Variants in MAP3K3 observed in about 807,000 individuals in gnomAD.
MAP3K3 encodes the protein mitogen-activated protein kinase kinase kinase 3.
Under a neutral mutation model 80.9 loss-of-function variants are expected in MAP3K3, and 12 were observed. The ratio of observed to expected loss-of-function variants is 0.15; its 90% confidence interval spans 0.10 to 0.24. The LOEUF is 0.24. Among genes scored for constraint, MAP3K3 ranks in the 10% least tolerant of loss-of-function variants. MAP3K3 has a pLI of 1.00. For missense variants in MAP3K3, 596 were observed against 834.7 expected (o/e 0.71, Z 3.52); for synonymous variants, 272 against 307.1 (o/e 0.89, Z 1.19).
intron 7 of MAP3K3, chr17:63,682,237 T>C (rs545984347): frequency 5.3e-6 from 1 of 189,446 alleles, no homozygotes; most frequent in East Asian, 1.3e-4. Context: ...TACGACTGGT[T>C]CTAAAGTGAC....
At chr17:63,653,106 G>A (rs1598084111) in intron 4 of MAP3K3, among the ~76,000 whole-genome samples, 1 of 152,220 alleles carries the variant, frequency 6.6e-6, no homozygotes, top group East Asian at 1.9e-4. Context: ...CTTCTGATTG[G>A]AGCTTATTTG....
At chr17:63,645,243 C>T (rs996838626) in intron 2 of MAP3K3, among the ~76,000 whole-genome samples, 9 of 152,010 alleles carry the variant, frequency 5.9e-5, no homozygotes, top group Admixed American at 4.6e-4. Flanking sequence ...ACGGAGGTTG[C>T]GGTGAGCCGA....
At chr17:63,650,985 T>A (rs1010761382) in intron 3 of MAP3K3, among the ~76,000 whole-genome samples, 15 of 152,282 alleles carry the variant, frequency 9.9e-5, no homozygotes, top group African/African-American at 3.6e-4. Context: ...GATTTTTTTT[T>A]AATTCTGTAT....
intron 1 of MAP3K3, among the ~76,000 whole-genome samples, chr17:63,623,343 C>T (rs1213497003): frequency 6.6e-6 from 1 of 152,146 alleles, no homozygotes; most frequent in Non-Finnish European, 1.5e-5. Flanking sequence ...TGATCAAGCG[C>T]GCGGTTGACA....
chr17:63,645,372 A>G (rs2143288539), intron 2 of MAP3K3, among the ~76,000 whole-genome samples: 1 of 152,240 alleles, frequency 6.6e-6, no homozygotes, highest in South Asian at 2.1e-4. Context: ...CATGATGGTC[A>G]TTTTGGAAAA....
At chr17:63,649,450 TAGAC>T (rs1470164960) in intron 3 of MAP3K3, among the ~76,000 whole-genome samples, 2 of 68,146 alleles carry the variant, frequency 2.9e-5, no homozygotes, top group Admixed American at 2.3e-4. Context: ...AAAAAAAAAG[TAGAC>T]AGGATCTCTG....
At chr17:63,684,264 G>A (rs1568151278) in intron 7 of MAP3K3, among the ~76,000 whole-genome samples, 2 of 152,078 alleles carry the variant, frequency 1.3e-5, no homozygotes, top group African/African-American at 4.8e-5. Context: ...TTTCCCCAAG[G>A]CCTCTTGTGA....
chr17:63,662,343 A>T (rs892336635), intron 5 of MAP3K3, among the ~76,000 whole-genome samples: 16 of 150,060 alleles, frequency 1.1e-4, no homozygotes, highest in Non-Finnish European at 2.4e-4. Flanking sequence ...TGAGGCCGGG[A>T]GGTTGAGGCC....
intron 1 of MAP3K3, among the ~76,000 whole-genome samples, chr17:63,627,732 G>A (rs1464832656): frequency 1.3e-5 from 2 of 151,166 alleles, no homozygotes; most frequent in East Asian, 2.0e-4. Context: ...ATGAGCCATC[G>A]TGCCTGGCCA....
chr17:63,682,184 G>A (rs1299133674), intron 7 of MAP3K3, among the ~76,000 whole-genome samples: 3 of 152,180 alleles, frequency 2.0e-5, no homozygotes, highest in Admixed American at 1.3e-4. Context: ...GTTCCTACAG[G>A]CAGGCACCAC....
intron 8 of MAP3K3, 137 bp from the exon 9 acceptor site, chr17:63,688,390 A>G: frequency 1.4e-6 from 1 of 702,008 alleles, no homozygotes; most frequent in Non-Finnish European, 2.6e-6. Flanking sequence ...CTGGGCTCAG[A>G]AAAGGGCTAT....
chr17:63,627,918 T>C (rs1048695071), intron 1 of MAP3K3, among the ~76,000 whole-genome samples: 5 of 151,592 alleles, frequency 3.3e-5, no homozygotes, highest in African/African-American at 1.2e-4. Flanking sequence ...TTTTTTTTTT[T>C]TTCTGAGACA....
chr17:63,674,072 T>A (rs1212909801), intron 6 of MAP3K3, among the ~76,000 whole-genome samples: 1 of 149,866 alleles, frequency 6.7e-6, no homozygotes, highest in Non-Finnish European at 1.5e-5. Flanking sequence ...AGAGTGAGAC[T>A]CTGTCTCAAA....
At chr17:63,688,732 GC>G (rs2143612225) in intron 9 of MAP3K3, 56 bp from the exon 10 acceptor site, 1 of 1,421,634 alleles carries the variant, frequency 7.0e-7, no homozygotes, top group South Asian at 1.1e-5. Context: ...GGACTTGGGG[GC>G]TTAAGTGGCT....
chr17:63,681,857 C>T lies in MAP3K3; in HGVS notation c.594C>T (p.Ile198=), dbSNP rs1437537286. 2 of 1,540,294 alleles carry T rather than the reference C, an allele frequency of 1.3e-6. No individual in the cohort carries two copies. The highest frequency in any genetic ancestry group is 2.8e-5 in the African/African-American group (2 of 72,172). The part of the protein sequence containing the change: ...HIARQGSYTS[I]NSEGEFIPET... ...CCCGGCAGGGGTCCTACACCAGCAT[C>T]AACAGTGAGGGGGAGTTCATCCCAG... The change falls in exon 7 of 16, where the codon ATC becomes ATT. Residue 198 remains isoleucine (I), a synonymous_variant. Transcript: ENST00000361733.
At chr17:63,651,868 T>G (rs2034663590) in intron 3 of MAP3K3, among the ~76,000 whole-genome samples, 1 of 152,204 alleles carries the variant, frequency 6.6e-6, no homozygotes, top group African/African-American at 2.4e-5. Context: ...ATCTTAATTC[T>G]GAGGAAAATC....
chr17:63,637,516 T>C (rs562735880), intron 2 of MAP3K3, among the ~76,000 whole-genome samples: 28 of 152,314 alleles, frequency 1.8e-4, no homozygotes, highest in African/African-American at 6.7e-4. Context: ...ATAGACAGAA[T>C]GTGAAATATT....
chr17:63,693,410 C>T lies in MAP3K3; in HGVS notation c.1653-139C>T. 1 of 658,022 alleles carries T rather than the reference C, an allele frequency of 1.5e-6. No homozygotes were observed. The highest frequency in any genetic ancestry group is 3.1e-5 in the Admixed American group (1 of 32,312). The allele number at this position is 658,022 out of a possible 1,614,324, so 40.8% of individuals were successfully genotyped here. ...CCATGAAGCCCACGTGGACAGACAT[C>T]CAAGCTGAGGTATCCCTCAGCTTGG... is the stretch of plus-strand genomic sequence containing the variant. On this transcript the variant is annotated intron_variant, in intron 15 of 15. Transcript: ENST00000361733. The surrounding 1 kb of genome is among the most constrained non-coding windows in gnomAD (Gnocchi z 4.2).
intron 5 of MAP3K3, among the ~76,000 whole-genome samples, chr17:63,666,367 C>T (rs181314361): frequency 2.2e-4 from 34 of 152,280 alleles, no homozygotes; most frequent in African/African-American, 8.2e-4. Flanking sequence ...GGCATGGTAG[C>T]ATGTACCTAT....
Sources: allele counts gnomAD v4.1 joint callset (sites outside exome capture counted in the v4.1 genomes callset), GRCh38; gene constraint gnomAD v4.1.1; non-coding constraint Gnocchi (gnomAD v3.1); transcripts MANE v1.5; gene names NCBI Gene and HGNC (gene_info 2026-07-23, HGNC 2026-07-21).